ANKRD30BL: variants seen among roughly 807,000 people sequenced by gnomAD.
The protein encoded by ANKRD30BL is ankyrin repeat domain 30B like, also known as putative ankyrin repeat domain-containing protein 30B-like.
Under a neutral mutation model 18.4 loss-of-function variants are expected in ANKRD30BL, and 20 were observed. The ratio of observed to expected loss-of-function variants is 1.09; its 90% CI spans 0.77 to 1.58. The LOEUF is 1.58. ANKRD30BL is among the 40% of genes most tolerant of loss of function. The pLI is 0.00. For synonymous variants in ANKRD30BL, 72 were observed against 100.9 expected, an observed-to-expected ratio of 0.71 and a Z score of 1.72; for missense variants, 224 against 268.6, an observed-to-expected ratio of 0.83 and a Z score of 1.16.
At chr2:132,248,330 A>G (rs1680556260) in intron 1 of ANKRD30BL, among the ~76,000 whole-genome samples, 2 of 152,320 alleles carry the variant, frequency 1.3e-5, no homozygotes, top group Admixed American at 1.3e-4. Flanking sequence ...AGATTCTACA[A>G]AAAGAGAGTT....
chr2:132,169,738 G>T (rs1688247226), intron 1 of ANKRD30BL, among the ~76,000 whole-genome samples: 1 of 151,846 alleles, frequency 6.6e-6, no homozygotes, highest in Non-Finnish European at 1.5e-5. Context: ...AATTGCAGAG[G>T]TATATGCCCC....
intron 1 of ANKRD30BL, among the ~76,000 whole-genome samples, chr2:132,207,102 A>G (rs1679226182): frequency 6.6e-6 from 1 of 152,110 alleles, no homozygotes; most frequent in Admixed American, 6.6e-5. Flanking sequence ...AAATTAAGTC[A>G]TACCCTCACA....
chr2:132,159,858 G>A (rs1688008804), intron 1 of ANKRD30BL, among the ~76,000 whole-genome samples: 1 of 151,958 alleles, frequency 6.6e-6, no homozygotes, highest in Admixed American at 6.6e-5. Context: ...GTTTTCTTCT[G>A]GTGCTTTTAT....
chr2:132,219,586 C>T (rs1331406328), intron 1 of ANKRD30BL, among the ~76,000 whole-genome samples: 1 of 151,498 alleles, frequency 6.6e-6, no homozygotes, highest in African/African-American at 2.4e-5. Context: ...GTTTTGAAAC[C>T]ATCATTTTGT....
At chr2:132,234,758 C>T (rs1424870160) in intron 1 of ANKRD30BL, among the ~76,000 whole-genome samples, 1 of 152,076 alleles carries the variant, frequency 6.6e-6, no homozygotes, top group South Asian at 2.1e-4. Flanking sequence ...ACCAGAGGTA[C>T]AAGGAGGAAC....
chr2:132,237,406 A>G (rs1272914123), intron 1 of ANKRD30BL, among the ~76,000 whole-genome samples: 1 of 152,132 alleles, frequency 6.6e-6, no homozygotes, highest in Non-Finnish European at 1.5e-5. Context: ...ACAAGTGGAT[A>G]TTAGGGCAGC....
chr2:132,153,792 T>G (rs1687830099), intron 4 of ANKRD30BL: 1 of 510,880 alleles, frequency 2.0e-6, no homozygotes, highest in Admixed American at 3.0e-5. Flanking sequence ...TAACAAACGT[T>G]AAGTATCTTG....
At chr2:132,236,193 A>G (rs2104788674) in intron 1 of ANKRD30BL, among the ~76,000 whole-genome samples, 1 of 152,256 alleles carries the variant, frequency 6.6e-6, no homozygotes, top group Non-Finnish European at 1.5e-5. Context: ...TCAATTCAAG[A>G]TGGATTAAAG....
In ANKRD30BL at chr2:132,205,868, T is replaced by C. The variant is rs545381287; in HGVS notation, n.442-48722A>G. ...GGTAATTGTTGAAATGAGATTTCAA[T>C]GGGTGAAAGAGGCTGGGCACAGTGG... On this transcript the variant is annotated intron_variant and non_coding_transcript_variant, in intron 1 of 4. Transcript: ENST00000470729. 9.8e-3 allele frequency among the ~76,000 whole-genome samples: 1,486 copies of C among 151,708 alleles called. 27 individuals are homozygous for C. Among genetic ancestry groups the C allele is most frequent in the African/African-American group, 0.033 (1,377 of 41,386 alleles).
chr2:132,225,398 A>G (rs967290500), intron 1 of ANKRD30BL, among the ~76,000 whole-genome samples: 1 of 149,560 alleles, frequency 6.7e-6, no homozygotes, highest in Non-Finnish European at 1.5e-5. Context: ...AGTTGAACAT[A>G]CCTTATGATA....
chr2:132,160,728 A>G (rs375055299), intron 1 of ANKRD30BL, among the ~76,000 whole-genome samples: 2 of 152,066 alleles, frequency 1.3e-5, no homozygotes, highest in African/African-American at 4.8e-5. Context: ...GCGCCTGGCC[A>G]TGGCCCATTT....
At chr2:132,222,864 A>T (rs1023904915) in intron 1 of ANKRD30BL, among the ~76,000 whole-genome samples, 1 of 144,500 alleles carries the variant, frequency 6.9e-6, no homozygotes, top group African/African-American at 2.7e-5. Context: ...AAAAAAAAAA[A>T]GAAACACTGT....
intron 1 of ANKRD30BL, among the ~76,000 whole-genome samples, chr2:132,254,336 C>G (rs1268589065): frequency 6.6e-6 from 1 of 152,216 alleles, no homozygotes; most frequent in African/African-American, 2.4e-5. Context: ...CGTGGCTTCG[C>G]TCTTCTCTGT....
intron 1 of ANKRD30BL, among the ~76,000 whole-genome samples, chr2:132,187,188 GTTTTTT>G (rs1193358076): frequency 1.3e-4 from 12 of 90,622 alleles, no homozygotes; most frequent in African/African-American, 4.4e-4. Context: ...TTTTTTGTTT[GTTTTTT>G]TTTTTTTTTT....
At chr2:132,228,310 C>T (rs78330069) in intron 1 of ANKRD30BL, among the ~76,000 whole-genome samples, 8 of 151,596 alleles carry the variant, frequency 5.3e-5, no homozygotes, top group South Asian at 2.1e-4. Flanking sequence ...TGGATGCATG[C>T]GTTTATCTCA....
chr2:132,222,026 C>A (rs1202857681), intron 1 of ANKRD30BL, among the ~76,000 whole-genome samples: 101 of 137,930 alleles, frequency 7.3e-4, no homozygotes, highest in Non-Finnish European at 1.4e-3. Context: ...GGCCAGCCAC[C>A]CTGTCCGGGA....
intron 1 of ANKRD30BL, among the ~76,000 whole-genome samples, chr2:132,221,355 T>C (rs1573858908): frequency 7.8e-6 from 1 of 127,566 alleles, no homozygotes; most frequent in African/African-American, 3.1e-5. Context: ...AGCCGCCCAG[T>C]CCGGGAGGGG....
At chr2:132,235,131 TCAA>T (rs1258433805) in intron 1 of ANKRD30BL, among the ~76,000 whole-genome samples, 5 of 152,134 alleles carry the variant, frequency 3.3e-5, no homozygotes, top group Non-Finnish European at 5.9e-5. Context: ...TTGACAAAAT[TCAA>T]CAACACTTCA....
At chr2:132,227,853 T>C (rs1429658689) in intron 1 of ANKRD30BL, among the ~76,000 whole-genome samples, 1 of 151,864 alleles carries the variant, frequency 6.6e-6, no homozygotes, top group African/African-American at 2.4e-5. Context: ...GTGGAAGCAC[T>C]CTTTTTGTAG....
Sources: gnomAD v4.1 joint callset for allele counts (sites outside exome capture counted in the v4.1 genomes callset) on GRCh38, gnomAD v4.1.1 for gene constraint, MANE v1.5 for transcripts, NCBI Gene and HGNC (gene_info 2026-07-23, HGNC 2026-07-21) for gene names.